CLSTN2: variants seen among roughly 807,000 people sequenced by gnomAD.
CLSTN2 encodes calsyntenin-2.
A neutral mutation model predicts 101.2 loss-of-function variants in CLSTN2; 48 were observed. The observed-to-expected ratio is 0.47, with a 90% CI of 0.38 to 0.60. CLSTN2 has a LOEUF of 0.60. Ranked by LOEUF, CLSTN2 falls within the 20% of genes least tolerant of loss-of-function variation. CLSTN2 has a pLI of 0.00. For synonymous variants in CLSTN2, 481 were observed against 463.6 expected, an observed-to-expected ratio of 1.04 and a Z score of -0.48; for missense variants, 1,160 against 1,238.2, an observed-to-expected ratio of 0.94 and a Z score of 0.95.
intron 1 of CLSTN2, among the ~76,000 whole-genome samples, chr3:139,937,615 G>A (rs1293178906): frequency 2.7e-5 from 4 of 150,390 alleles, no homozygotes; most frequent in African/African-American, 7.4e-5. Context: ...GTGGTGACAC[G>A]CACCTGTAAT....
intron 1 of CLSTN2, among the ~76,000 whole-genome samples, chr3:140,046,450 G>T (rs1030818721): frequency 1.3e-5 from 2 of 152,068 alleles, no homozygotes; most frequent in African/African-American, 4.8e-5. Flanking sequence ...ACACTGATAG[G>T]TCTTGACTCT....
chr3:140,397,903 A>C (rs1439221598), intron 2 of CLSTN2, among the ~76,000 whole-genome samples: 2 of 152,336 alleles, frequency 1.3e-5, no homozygotes, highest in Admixed American at 1.3e-4. Context: ...TGGTTCCTTC[A>C]AAAGTTGGTA....
chr3:140,053,749 A>C (rs930354327), intron 1 of CLSTN2, among the ~76,000 whole-genome samples: 2 of 152,064 alleles, frequency 1.3e-5, no homozygotes, highest in African/African-American at 2.4e-5. Flanking sequence ...TGAAGCTACT[A>C]GCTCACCTTC....
At chr3:140,499,647 G>T (rs1934530578) in intron 8 of CLSTN2, among the ~76,000 whole-genome samples, 1 of 152,252 alleles carries the variant, frequency 6.6e-6, no homozygotes, top group Admixed American at 6.5e-5. Flanking sequence ...GTAGGCAGGG[G>T]GTGGTAAAAA....
At chr3:140,094,559 A>G (rs1338043489) in intron 1 of CLSTN2, among the ~76,000 whole-genome samples, 1 of 152,200 alleles carries the variant, frequency 6.6e-6, no homozygotes, top group African/African-American at 2.4e-5. Flanking sequence ...AGGAACCTCT[A>G]GAGGGAAGAA....
In CLSTN2 at chr3:140,573,829, CCT is replaced by C. The variant is rs993977404; in HGVS notation, c.*7577_*7578del. The C allele has an allele frequency of 9.8e-5, 15 of 152,368 alleles. No individual in the cohort carries two copies. The highest frequency in any genetic ancestry group is 7.2e-4 in the Admixed American group (11 of 15,304). The allele number at this position is 152,368 out of a possible 1,614,324, so 9.4% of individuals were successfully genotyped here. On this transcript the variant is annotated 3_prime_UTR_variant, in exon 17 of 17. Coordinates refer to ENST00000458420, the MANE Select transcript of CLSTN2 (RefSeq NM_022131.3). ...TCCTCCTGAATGGCCCAAAGACACCCCTGTTTCTGGGGAACAGAAGGGAGCTG... is the reference window on the plus strand; with the variant it reads ...TCCTCCTGAATGGCCCAAAGACACCCGTTTCTGGGGAACAGAAGGGAGCTG...
intron 5 of CLSTN2, among the ~76,000 whole-genome samples, chr3:140,431,401 G>A (rs2088626373): frequency 1.3e-5 from 2 of 152,112 alleles, no homozygotes; most frequent in South Asian, 2.1e-4. Context: ...TTACACCAGG[G>A]CAGGAAGACT....
chr3:140,094,638 A>G (rs931347346), intron 1 of CLSTN2, among the ~76,000 whole-genome samples: 3 of 152,246 alleles, frequency 2.0e-5, no homozygotes, highest in East Asian at 1.9e-4. Context: ...ATGTAACATC[A>G]TAAGTGCCTA....
At chr3:140,520,957 A>ATGAT (rs1277399245) in intron 8 of CLSTN2, among the ~76,000 whole-genome samples, 1 of 151,634 alleles carries the variant, frequency 6.6e-6, no homozygotes, top group Non-Finnish European at 1.5e-5. Context: ...ATTGATACTC[A>ATGAT]TGATTGCACT....
At chr3:140,394,342 C>T (rs542401006) in intron 2 of CLSTN2, among the ~76,000 whole-genome samples, 1 of 152,280 alleles carries the variant, frequency 6.6e-6, no homozygotes, top group East Asian at 1.9e-4. Context: ...TTCTTTTAGG[C>T]ACTGACCTGT....
At chr3:140,160,086 A>G (rs1162108098) in intron 1 of CLSTN2, among the ~76,000 whole-genome samples, 2 of 152,064 alleles carry the variant, frequency 1.3e-5, no homozygotes, top group African/African-American at 2.4e-5. Flanking sequence ...CGGTGGCAGG[A>G]TCTATATCCT....
At chr3:140,542,977 C>T (rs572796599) in intron 9 of CLSTN2, among the ~76,000 whole-genome samples, 5 of 152,268 alleles carry the variant, frequency 3.3e-5, no homozygotes, top group Non-Finnish European at 2.9e-5. Flanking sequence ...CACTTTCTAC[C>T]GGTGTGGCTT....
intron 5 of CLSTN2, among the ~76,000 whole-genome samples, chr3:140,437,544 CA>C (rs1244155643): frequency 6.6e-6 from 1 of 152,194 alleles, no homozygotes; most frequent in Non-Finnish European, 1.5e-5. Flanking sequence ...ACCTCATCAC[CA>C]AATGCCAACA....
intron 2 of CLSTN2, among the ~76,000 whole-genome samples, chr3:140,289,369 C>T (rs895858321): frequency 1.3e-5 from 2 of 150,592 alleles, no homozygotes; most frequent in African/African-American, 2.4e-5. Flanking sequence ...TGCAGGGGGG[C>T]GGGGAGAGGA....
chr3:140,250,376 G>A (rs1198049250), intron 2 of CLSTN2, among the ~76,000 whole-genome samples: 1 of 152,202 alleles, frequency 6.6e-6, no homozygotes, highest in African/African-American at 2.4e-5. Context: ...GGGGGCAGAT[G>A]GCTTGAGAAT....
chr3:140,402,627 C>A (rs1224670108), intron 2 of CLSTN2, among the ~76,000 whole-genome samples: 4 of 152,180 alleles, frequency 2.6e-5, no homozygotes, highest in African/African-American at 9.7e-5. Flanking sequence ...GAGAGCAAGG[C>A]CCCATTAAAT....
intron 2 of CLSTN2, among the ~76,000 whole-genome samples, chr3:140,190,358 A>AT (rs1199873968): frequency 4.3e-5 from 6 of 138,784 alleles, no homozygotes; most frequent in Admixed American, 2.4e-4. Flanking sequence ...ATTACTCTCA[A>AT]TTTTTTTTTC....
At chr3:140,234,452 G>A (rs530259997) in intron 2 of CLSTN2, among the ~76,000 whole-genome samples, 8 of 152,168 alleles carry the variant, frequency 5.3e-5, no homozygotes, top group African/African-American at 4.8e-5. Flanking sequence ...CTCGGTTTTC[G>A]CCTCTGTAAA....
chr3:140,325,026 G>T (rs1024890566), intron 2 of CLSTN2, among the ~76,000 whole-genome samples: 1 of 152,184 alleles, frequency 6.6e-6, no homozygotes, highest in Non-Finnish European at 1.5e-5. Flanking sequence ...GAGAAGATTT[G>T]TTTTGATTAC....
Sources: allele counts gnomAD v4.1 joint callset (sites outside exome capture counted in the v4.1 genomes callset), GRCh38; gene constraint gnomAD v4.1.1; transcripts MANE v1.5; gene names NCBI Gene and HGNC (gene_info 2026-07-23, HGNC 2026-07-21).